The following MAMLD1 variants were observed in gnomAD, a reference collection of about 807,000 sequenced individuals.
MAMLD1 encodes mastermind like domain containing 1.
A neutral mutation model predicts 45.0 loss-of-function variants in MAMLD1; 14 were observed. The ratio of observed to expected loss-of-function variants is 0.31; its 90% CI spans 0.21 to 0.49. The LOEUF (loss-of-function observed/expected upper bound fraction) is 0.49. MAMLD1 is among the 20% of genes least tolerant of loss of function. The pLI, the probability that MAMLD1 is intolerant of heterozygous loss-of-function variation, is 0.99. For missense variants in MAMLD1, 543 were observed against 603.6 expected, an observed-to-expected ratio of 0.90 and a Z score of 1.05; for synonymous variants, 254 against 247.8, an observed-to-expected ratio of 1.02 and a Z score of -0.24.
intron 5 of MAMLD1, among the ~76,000 whole-genome samples, chrX:150,482,109 A>T (rs1458809230): frequency 1.8e-5 from 2 of 112,057 alleles, no homozygotes; most frequent in East Asian, 5.6e-4. Context: ...GAGACAACCC[A>T]AATGTCCATC....
chrX:150,456,656 A>G (rs978085804), intron 2 of MAMLD1, among the ~76,000 whole-genome samples: 16 of 111,667 alleles, frequency 1.4e-4, no homozygotes, highest in Non-Finnish European at 3.0e-4. Context: ...TACAGAACCA[A>G]CCTCCCAGGT....
At chrX:150,435,470 T>C (rs1240828855) in intron 1 of MAMLD1, among the ~76,000 whole-genome samples, 3 of 111,843 alleles carry the variant, frequency 2.7e-5, no homozygotes, top group Non-Finnish European at 5.7e-5. Context: ...GTTGAGGTTG[T>C]GCCACTTCAC....
intron 3 of MAMLD1, among the ~76,000 whole-genome samples, 189 bp from the exon 4 acceptor site, chrX:150,469,556 T>C (rs1384576584): frequency 9.0e-6 from 1 of 111,730 alleles, no homozygotes; most frequent in African/African-American, 3.3e-5. Flanking sequence ...TGTTTTATCA[T>C]GCACATTTCC....
At chrX:150,453,002 C>T (rs1602862166) in intron 2 of MAMLD1, among the ~76,000 whole-genome samples, 1 of 110,969 alleles carries the variant, frequency 9.0e-6, no homozygotes, top group African/African-American at 3.3e-5. Flanking sequence ...ATCACTTGCA[C>T]GGTTTAGAAA....
At chrX:150,403,217 T>A (rs2033864685) in intron 1 of MAMLD1, among the ~76,000 whole-genome samples, 1 of 111,396 alleles carries the variant, frequency 9.0e-6, no homozygotes, top group Non-Finnish European at 1.9e-5. Flanking sequence ...AGTCACATAC[T>A]GTATGATTCC....
intron 5 of MAMLD1, among the ~76,000 whole-genome samples, chrX:150,490,521 A>G (rs1267373035): frequency 1.8e-5 from 2 of 112,429 alleles, no homozygotes; most frequent in African/African-American, 6.5e-5. Flanking sequence ...GTTGGGGCAG[A>G]CTGGAGAAAC....
chrX:150,393,652 A>G (rs1416627339), intron 1 of MAMLD1, among the ~76,000 whole-genome samples: 2 of 111,944 alleles, frequency 1.8e-5, no homozygotes, highest in East Asian at 5.6e-4. Context: ...CCGTTATCTC[A>G]TTGTTGTTTT....
chrX:150,472,579 A>G (rs963745185), intron 4 of MAMLD1, among the ~76,000 whole-genome samples: 4 of 112,050 alleles, frequency 3.6e-5, no homozygotes, highest in African/African-American at 9.7e-5. Context: ...TCCTTGCCAC[A>G]CGGTCTCTTC....
At chrX:150,506,943 C>T (rs1187827351) in intron 6 of MAMLD1, among the ~76,000 whole-genome samples, 1 of 112,560 alleles carries the variant, frequency 8.9e-6, no homozygotes, top group African/African-American at 3.2e-5. Context: ...AGGTTGCCAT[C>T]TTGGCTGAGA....
chrX:150,429,146 CT>C lies in MAMLD1; in HGVS notation c.-63-16300del, dbSNP rs782222377. Reference sequence around the variant, plus strand: ...ATGGCCTTAGCAGTATCAGAGGCCTCTTTTTTTTCTTCTTCATTTGGGTGCA... The same window carrying C: ...ATGGCCTTAGCAGTATCAGAGGCCTCTTTTTTTCTTCTTCATTTGGGTGCA... On this transcript the variant is annotated intron_variant, in intron 1 of 7. Transcript: ENST00000370401. 9.1e-5 allele frequency among the ~76,000 whole-genome samples: 10 copies of C among 109,638 alleles called. No homozygotes were observed. In the South Asian group the frequency reaches 3.6e-3, roughly 40 times the overall value.
At chrX:150,387,305 C>A (rs1361051003) in intron 1 of MAMLD1, among the ~76,000 whole-genome samples, 1 of 111,753 alleles carries the variant, frequency 8.9e-6, no homozygotes, top group Non-Finnish European at 1.9e-5. Flanking sequence ...TCAAAAAATT[C>A]TTGGTTGTCA....
chrX:150,505,755 AG>A (rs1557408791), intron 6 of MAMLD1, among the ~76,000 whole-genome samples: 1 of 112,667 alleles, frequency 8.9e-6, no homozygotes, highest in African/African-American at 3.2e-5. Flanking sequence ...TCTGAGAGTT[AG>A]GGGGAACTTA....
chrX:150,450,337 G>A (rs1253521702), intron 2 of MAMLD1, among the ~76,000 whole-genome samples: 1 of 112,161 alleles, frequency 8.9e-6, no homozygotes, highest in Non-Finnish European at 1.9e-5. Flanking sequence ...AGAAAACCCA[G>A]ATTTACAGCT....
chrX:150,377,845 A>ACACT (rs1557401509), intron 1 of MAMLD1, among the ~76,000 whole-genome samples: 8 of 109,625 alleles, frequency 7.3e-5, no homozygotes, highest in Non-Finnish European at 1.5e-4. Context: ...ACACACACAC[A>ACACT]CACACACACA....
chrX:150,429,519 TCCCC>T, intron 1 of MAMLD1, among the ~76,000 whole-genome samples: 1 of 111,047 alleles, frequency 9.0e-6, no homozygotes, highest in Middle Eastern at 4.7e-3. Context: ...CATCTAGTTT[TCCCC>T]AGTGGTTACA....
intron 2 of MAMLD1, among the ~76,000 whole-genome samples, chrX:150,456,942 T>A (rs17252914): frequency 0.16 from 17,776 of 112,112 alleles, 1,227 homozygotes; most frequent in Non-Finnish European, 0.22. Flanking sequence ...CCATGCTAGA[T>A]GGTACATTCC....
At chrX:150,441,601 G>A (rs1272902234) in intron 1 of MAMLD1, among the ~76,000 whole-genome samples, 1 of 111,026 alleles carries the variant, frequency 9.0e-6, no homozygotes, top group East Asian at 2.8e-4. Context: ...AGATTTTCAA[G>A]TTGTCTCTCT....
chrX:150,372,469 G>T (rs148307604), intron 1 of MAMLD1, among the ~76,000 whole-genome samples: 1 of 111,664 alleles, frequency 9.0e-6, no homozygotes, highest in Non-Finnish European at 1.9e-5. Flanking sequence ...AGTTGCCAAC[G>T]TCACATGGTT....
chrX:150,504,265 G>A (rs2037657636), intron 6 of MAMLD1: 3 of 751,539 alleles, frequency 4.0e-6, no homozygotes, highest in East Asian at 1.5e-4. Flanking sequence ...TGCATCTGGT[G>A]CATAAAATAT....
Sources: allele counts gnomAD v4.1 joint callset (sites outside exome capture counted in the v4.1 genomes callset), GRCh38; gene constraint gnomAD v4.1.1; transcripts MANE v1.5; gene names NCBI Gene and HGNC (gene_info 2026-07-23, HGNC 2026-07-21).